C4orf36: variants seen among roughly 807,000 people sequenced by gnomAD.
The protein encoded by C4orf36 is uncharacterized protein C4orf36.
Under a neutral mutation model 12.2 loss-of-function variants are expected in C4orf36, and 11 were observed. That is an observed-to-expected ratio of 0.90 (90% CI 0.57 to 1.49). The LOEUF (loss-of-function observed/expected upper bound fraction) is 1.49. Ranked by LOEUF, C4orf36 falls within the 40% of genes most tolerant of loss-of-function variation. C4orf36 has a pLI of 0.00. For synonymous variants in C4orf36, 54 were observed against 51.3 expected (o/e 1.05, Z -0.22); for missense variants, 137 against 133.9 (o/e 1.02, Z -0.11).
the C4orf36 span, among the ~76,000 whole-genome samples, chr4:86,899,876 T>C: frequency 6.6e-6 from 1 of 152,128 alleles, no homozygotes; most frequent in Non-Finnish European, 1.5e-5. Context: ...GAATAATACT[T>C]CAAATTCCAG....
At chr4:86,876,656 A>G in intron 4 of C4orf36, 1 of 1,613,062 alleles carries the variant, frequency 6.2e-7, no homozygotes, top group Non-Finnish European at 8.5e-7. Flanking sequence ...CATGGTATTT[A>G]CATACACAGT....
the C4orf36 span, chr4:86,913,282 T>A: frequency 4.6e-6 from 3 of 650,310 alleles, no homozygotes; most frequent in Non-Finnish European, 8.5e-6. Context: ...GATGGAAGAC[T>A]CGAGAGTCTT....
chr4:86,934,509 A>C, the C4orf36 span: 1 of 152,192 alleles, frequency 6.6e-6, no homozygotes, highest in African/African-American at 2.4e-5. Flanking sequence ...CCGTTTCATT[A>C]TTTGGGAAAT....
chr4:86,915,094 C>G, the C4orf36 span, among the ~76,000 whole-genome samples: 221 of 152,300 alleles, frequency 1.5e-3, 2 homozygotes, highest in African/African-American at 5.1e-3. Flanking sequence ...CAAACATCCT[C>G]CTCACCCCAT....
chr4:86,908,168 TACACACAC>T, the C4orf36 span, among the ~76,000 whole-genome samples: 21,116 of 140,780 alleles, frequency 0.15, 1,722 homozygotes, highest in Middle Eastern at 0.18. Flanking sequence ...ACTTTCAACA[TACACACAC>T]ACACACACAC....
rs1747453167 is a variant in C4orf36 at position 86,892,291 on chromosome 4, A to G, written c.-182T>C. 3 of 985,632 alleles carry G rather than the reference A, an allele frequency of 3.0e-6. No homozygotes were observed. Among genetic ancestry groups the G allele is most frequent in the Non-Finnish European group, 3.6e-6 (3 of 830,122 alleles). The allele number at this position is 985,632 out of a possible 1,614,324, so 61.1% of individuals were successfully genotyped here. On this transcript the variant is annotated 5_prime_UTR_variant, in exon 1 of 5. Transcript: ENST00000295898. ...CCGGCGGCCTGGTTACCCGGGCTCC[A>G]GGGGCTCGGAGGGTCGCGGCCGGGG...
chr4:86,904,181 C>G, the C4orf36 span, among the ~76,000 whole-genome samples: 9 of 152,230 alleles, frequency 5.9e-5, no homozygotes, highest in Non-Finnish European at 8.8e-5. Context: ...TCAAGCCCAG[C>G]AGGAACCGGC....
the C4orf36 span, among the ~76,000 whole-genome samples, chr4:86,928,022 AC>A: frequency 6.6e-6 from 1 of 152,238 alleles, no homozygotes; most frequent in Admixed American, 6.5e-5. Flanking sequence ...GATGGGCTTC[AC>A]AGCCAAACAT....
chr4:86,909,862 G>C, the C4orf36 span, among the ~76,000 whole-genome samples: 1 of 140,474 alleles, frequency 7.1e-6, no homozygotes, highest in Non-Finnish European at 1.5e-5. Context: ...AGGTGATTTG[G>C]AGCCAGGTGC....
chr4:86,885,199 A>G (rs1747147341), intron 4 of C4orf36, among the ~76,000 whole-genome samples: 1 of 152,132 alleles, frequency 6.6e-6, no homozygotes, highest in African/African-American at 2.4e-5. Context: ...TTGGTTCCAT[A>G]TGAACTTTGA....
At chr4:86,907,830 A>C in the C4orf36 span, among the ~76,000 whole-genome samples, 221 of 152,004 alleles carry the variant, frequency 1.5e-3, no homozygotes, top group African/African-American at 5.0e-3. Flanking sequence ...TTAGCCAGGC[A>C]TGGTAGCGCA....
the C4orf36 span, among the ~76,000 whole-genome samples, chr4:86,903,740 T>G: frequency 1.3e-5 from 2 of 152,126 alleles, no homozygotes; most frequent in Non-Finnish European, 2.9e-5. Context: ...TGCTGATTGG[T>G]CCATTTTACA....
the C4orf36 span, among the ~76,000 whole-genome samples, chr4:86,902,911 A>AT: frequency 6.6e-6 from 1 of 152,042 alleles, no homozygotes; most frequent in Non-Finnish European, 1.5e-5. Flanking sequence ...AAACAGTGTA[A>AT]TAAAAAAAAA....
the C4orf36 span, among the ~76,000 whole-genome samples, chr4:86,903,427 C>T: frequency 6.6e-6 from 1 of 152,186 alleles, no homozygotes; most frequent in Admixed American, 6.5e-5. Flanking sequence ...TTCTTGGTCT[C>T]GCTGAATGAA....
the C4orf36 span, among the ~76,000 whole-genome samples, chr4:86,915,257 T>C: frequency 2.0e-5 from 3 of 152,132 alleles, no homozygotes; most frequent in African/African-American, 4.8e-5. Flanking sequence ...GTTGCTCCCA[T>C]GTATGGATGA....
At chr4:86,885,590 G>A (rs946295377) in intron 4 of C4orf36, among the ~76,000 whole-genome samples, 1 of 152,206 alleles carries the variant, frequency 6.6e-6, no homozygotes, top group African/African-American at 2.4e-5. Context: ...AGCTTAAGGA[G>A]ATTTTGGGCT....
chr4:86,884,197 C>G (rs1424333898), intron 4 of C4orf36, among the ~76,000 whole-genome samples: 1 of 151,692 alleles, frequency 6.6e-6, no homozygotes, highest in Non-Finnish European at 1.5e-5. Flanking sequence ...ATAAGACCTT[C>G]TGTGTATTTT....
chr4:86,917,482 A>AAT, the C4orf36 span, among the ~76,000 whole-genome samples: 5 of 142,556 alleles, frequency 3.5e-5, no homozygotes, highest in Non-Finnish European at 7.9e-5. Context: ...GAAATAAAGA[A>AAT]AAAGAAAGGG....
At chr4:86,917,671 C>A in the C4orf36 span, among the ~76,000 whole-genome samples, 3 of 152,006 alleles carry the variant, frequency 2.0e-5, no homozygotes, top group Non-Finnish European at 4.4e-5. Flanking sequence ...GGAATTTAGT[C>A]ATGTATCACA....
Sources: gnomAD v4.1 joint callset for allele counts (sites outside exome capture counted in the v4.1 genomes callset) on GRCh38, gnomAD v4.1.1 for gene constraint, MANE v1.5 for transcripts, NCBI Gene and HGNC (gene_info 2026-07-23, HGNC 2026-07-21) for gene names.